Variants in ARHGAP26 observed in about 807,000 individuals in gnomAD.
ARHGAP26 encodes the protein rho GTPase-activating protein 26.
Under a neutral mutation model 104.8 loss-of-function variants are expected in ARHGAP26, and 38 were observed. The ratio of observed to expected loss-of-function variants is 0.36; its 90% CI spans 0.28 to 0.48. ARHGAP26 has a LOEUF of 0.48. Ranked by LOEUF, ARHGAP26 falls within the 20% of genes least tolerant of loss-of-function variation. The pLI is 0.99. For synonymous variants in ARHGAP26, 341 were observed against 340.0 expected, an observed-to-expected ratio of 1.00 and a Z score of -0.03; for missense variants, 704 against 947.9, an observed-to-expected ratio of 0.74 and a Z score of 3.38.
chr5:143,023,144 A>G (rs989420998), intron 12 of ARHGAP26, among the ~76,000 whole-genome samples: 12 of 152,224 alleles, frequency 7.9e-5, no homozygotes, highest in South Asian at 2.1e-4. Context: ...GCAACACAAC[A>G]TAATGCTTTA....
chr5:143,110,880 C>T (rs937030490), intron 17 of ARHGAP26, among the ~76,000 whole-genome samples: 6 of 152,200 alleles, frequency 3.9e-5, no homozygotes, highest in African/African-American at 1.4e-4. Context: ...CCTAAACTGT[C>T]CAGGATGAGA....
At chr5:143,057,247 T>C (rs1438661411) in intron 16 of ARHGAP26, among the ~76,000 whole-genome samples, 1 of 152,194 alleles carries the variant, frequency 6.6e-6, no homozygotes, top group East Asian at 1.9e-4. Flanking sequence ...CCTTGCAATG[T>C]TGTTCATGTA....
intron 20 of ARHGAP26, among the ~76,000 whole-genome samples, chr5:143,201,734 A>G (rs919435996): frequency 9.2e-5 from 14 of 152,246 alleles, no homozygotes; most frequent in African/African-American, 3.4e-4. Context: ...CATCAGAACT[A>G]AAATACAATG....
intron 1 of ARHGAP26, among the ~76,000 whole-genome samples, chr5:142,802,673 G>A (rs924873060): frequency 1.3e-5 from 2 of 152,076 alleles, no homozygotes; most frequent in Admixed American, 6.5e-5. Flanking sequence ...GAAAAAGTAG[G>A]CATTGGCAAA....
intron 1 of ARHGAP26, among the ~76,000 whole-genome samples, chr5:142,811,896 A>C (rs893318388): frequency 6.6e-6 from 1 of 152,128 alleles, no homozygotes; most frequent in African/African-American, 2.4e-5. Context: ...CTTGGCCTCT[A>C]AGTAATTCTT....
At chr5:142,925,643 T>C (rs1431383063) in intron 10 of ARHGAP26, among the ~76,000 whole-genome samples, 1 of 152,206 alleles carries the variant, frequency 6.6e-6, no homozygotes, top group Non-Finnish European at 1.5e-5. Flanking sequence ...CTTGCAAAAC[T>C]CTTCTTGCAA....
chr5:142,942,207 TTTAC>T (rs1766460118), intron 11 of ARHGAP26, among the ~76,000 whole-genome samples: 1 of 152,212 alleles, frequency 6.6e-6, no homozygotes, highest in Non-Finnish European at 1.5e-5. Flanking sequence ...TTGACACATA[TTTAC>T]TTACTTGTAC....
At chr5:142,809,710 G>A (rs1187553843) in intron 1 of ARHGAP26, among the ~76,000 whole-genome samples, 1 of 152,192 alleles carries the variant, frequency 6.6e-6, no homozygotes, top group African/African-American at 2.4e-5. Context: ...ACTTCTGCCA[G>A]TCCTGCTGGA....
chr5:143,163,432 G>GGTTTGTTTGTTTGTTT (rs368136971), intron 20 of ARHGAP26, among the ~76,000 whole-genome samples: 4 of 150,604 alleles, frequency 2.7e-5, no homozygotes, highest in African/African-American at 7.4e-5. Context: ...AGGAGTTCTA[G>GGTTTGTTTGTTTGTTT]GTTTGTTTGT....
At chr5:142,828,841 G>C (rs1767826389) in intron 1 of ARHGAP26, among the ~76,000 whole-genome samples, 1 of 152,190 alleles carries the variant, frequency 6.6e-6, no homozygotes, top group African/African-American at 2.4e-5. Context: ...GCCTCCTCTA[G>C]CAAGACGGGT....
intron 19 of ARHGAP26, among the ~76,000 whole-genome samples, chr5:143,140,164 C>A (rs1355670747): frequency 6.6e-6 from 1 of 152,146 alleles, no homozygotes; most frequent in African/African-American, 2.4e-5. Flanking sequence ...ATTTTTAAAG[C>A]ACCCTAGTGA....
At chr5:143,112,043 C>T (rs1169121098) in intron 17 of ARHGAP26, among the ~76,000 whole-genome samples, 1 of 152,220 alleles carries the variant, frequency 6.6e-6, no homozygotes, top group African/African-American at 2.4e-5. Context: ...AACTGCTAGG[C>T]ACTGGCGTGT....
chr5:143,202,407 A>C (rs1043258574), intron 20 of ARHGAP26: 11 of 152,164 alleles, frequency 7.2e-5, no homozygotes, highest in African/African-American at 2.4e-4. Flanking sequence ...GCTCGAGGAA[A>C]TAAGACAAGG....
chr5:142,806,291 T>G (rs1379865410), intron 1 of ARHGAP26, among the ~76,000 whole-genome samples: 4 of 152,204 alleles, frequency 2.6e-5, no homozygotes, highest in African/African-American at 9.7e-5. Context: ...AGAAACGGAA[T>G]CTCACTATGT....
At chr5:143,139,646 A>T (rs755106954) in intron 19 of ARHGAP26, among the ~76,000 whole-genome samples, 13 of 152,210 alleles carry the variant, frequency 8.5e-5, no homozygotes, top group Non-Finnish European at 1.9e-4. Context: ...AGAGAGCGAT[A>T]TGTGTTGAAT....
At chr5:142,857,960 G>A (rs1752630721) in intron 1 of ARHGAP26, among the ~76,000 whole-genome samples, 1 of 151,948 alleles carries the variant, frequency 6.6e-6, no homozygotes, top group Admixed American at 6.6e-5. Flanking sequence ...CATAAGTCTG[G>A]GGCAGTTGGA....
intron 17 of ARHGAP26, 162 bp downstream of exon 17, chr5:143,057,909 A>G (rs767868471): frequency 1.4e-6 from 1 of 735,164 alleles, no homozygotes; most frequent in South Asian, 1.5e-5. Context: ...TGCAGTGGAG[A>G]ACAGCAGCAA....
rs147263967 is a variant in ARHGAP26 at position 142,835,921 on chromosome 5, A to C, written c.155-37479A>C. ...AAAACCCTCTAAGATTAGTTTTAGTATTACACCCATTTTATATATTAGGAA... is the reference window on the plus strand; with the variant it reads ...AAAACCCTCTAAGATTAGTTTTAGTCTTACACCCATTTTATATATTAGGAA... On this transcript the variant is annotated intron_variant, in intron 1 of 22. Transcript: ENST00000645722. Among the ~76,000 whole-genome samples the C allele has an allele frequency of 1.2e-4, 19 of 152,366 alleles. No homozygotes were observed. The East Asian group carries it at 2.9e-3, about 23-fold the overall frequency.
chr5:142,909,542 G>T (rs1440908320), intron 9 of ARHGAP26, among the ~76,000 whole-genome samples: 1 of 152,178 alleles, frequency 6.6e-6, no homozygotes, highest in Non-Finnish European at 1.5e-5. Context: ...TGATAGAGAA[G>T]TTTATCAGCA....
Sources: gnomAD v4.1 joint callset for allele counts (sites outside exome capture counted in the v4.1 genomes callset) on GRCh38, gnomAD v4.1.1 for gene constraint, MANE v1.5 for transcripts, NCBI Gene and HGNC (gene_info 2026-07-23, HGNC 2026-07-21) for gene names.